The following TMEM63C variants were observed in gnomAD, a reference collection of about 807,000 sequenced individuals.
The protein encoded by TMEM63C is transmembrane protein 63C, also known as osmosensitive cation channel TMEM63C.
A neutral mutation model predicts 99.2 loss-of-function variants in TMEM63C; 32 were observed. That is an observed-to-expected ratio of 0.32 (90% CI 0.24 to 0.43). The LOEUF is 0.43. Among genes scored for constraint, TMEM63C ranks in the 20% least tolerant of loss-of-function variants. TMEM63C has a pLI of 1.00. For synonymous variants in TMEM63C, 376 were observed against 397.9 expected, an observed-to-expected ratio of 0.94 and a Z score of 0.66; for missense variants, 826 against 1,053.0, an observed-to-expected ratio of 0.78 and a Z score of 2.98.
chr14:77,255,312 A>G (rs1301420285), intron 23 of TMEM63C, among the ~76,000 whole-genome samples: 3 of 152,200 alleles, frequency 2.0e-5, no homozygotes, highest in African/African-American at 7.2e-5. Flanking sequence ...TTTTTAGTTA[A>G]CAATCTTTTT....
chr14:77,195,872 G>C (rs2140093739), intron 1 of TMEM63C, among the ~76,000 whole-genome samples: 1 of 152,334 alleles, frequency 6.6e-6, no homozygotes, highest in South Asian at 2.1e-4. Context: ...GGGCAGGCTG[G>C]GGGTCATGGA....
At chr14:77,241,372 C>G (rs1889173045) in intron 13 of TMEM63C, among the ~76,000 whole-genome samples, 1 of 152,192 alleles carries the variant, frequency 6.6e-6, no homozygotes, top group Non-Finnish European at 1.5e-5. Flanking sequence ...CTTCTCTGCC[C>G]CAGCCTCTGG....
chr14:77,248,261 G>A, intron 18 of TMEM63C, 86 bp from the exon 19 acceptor site: 1 of 1,223,100 alleles, frequency 8.2e-7, no homozygotes, highest in Non-Finnish European at 1.2e-6. Flanking sequence ...CATTCCCTCT[G>A]CTGCTCTCCT....
intron 1 of TMEM63C, among the ~76,000 whole-genome samples, chr14:77,202,090 A>C (rs1888309184): frequency 6.6e-6 from 1 of 152,238 alleles, no homozygotes; most frequent in Admixed American, 6.5e-5. Flanking sequence ...TGACACAACT[A>C]AGGGAGACCC....
rs1319945114 is a variant in TMEM63C, at chr14:77,256,595, A to T, written c.2290A>T (p.Thr764Ser). The T allele has an allele frequency of 4.3e-6, 7 of 1,613,946 alleles. No homozygotes were observed. The highest frequency in any genetic ancestry group is 5.9e-6 in the Non-Finnish European group (7 of 1,179,864). ...LTPASSPARH[T>S]YGTMNNQPEE... The stretch of plus-strand genomic sequence containing the variant: ...CCCCGCCTCCTCCCCAGCCAGGCAC[A>T]CCTATGGCACCATGAACAACCAGCC... Residue 764 changes from threonine (T) to serine (S), a missense_variant, in exon 24 of 24, where the codon ACC becomes TCC. By Grantham distance (58) the Thr-to-Ser change is moderately conservative. Transcript: ENST00000298351.
intron 18 of TMEM63C, 44 bp from the exon 19 acceptor site, chr14:77,248,302 TC>T: frequency 6.5e-7 from 1 of 1,543,502 alleles, no homozygotes; most frequent in African/African-American, 1.4e-5. Context: ...TCTCTCCCTC[TC>T]CCTGTGGCTT....
rs1400507015 is a variant in TMEM63C, at chr14:77,248,368, C to T, written c.1623C>T (p.Asn541=). The part of the protein sequence containing the change: ...IRFQCVFLPD[N]GAFFVNYVIT... ...CCAGGTGTGTGTTCCTGCCAGACAACGGCGCCTTCTTTGTCAACTACGTGA... is the reference window on the plus strand; with the variant it reads ...CCAGGTGTGTGTTCCTGCCAGACAATGGCGCCTTCTTTGTCAACTACGTGA... The change falls in exon 19 of 24, where the codon AAC becomes AAT. Residue 541 remains asparagine, a synonymous_variant. Transcript: ENST00000298351. 19 of 1,611,250 alleles carry T rather than the reference C, an allele frequency of 1.2e-5. No individual in the cohort carries two copies. The highest frequency in any genetic ancestry group is 2.7e-5 in the African/African-American group (2 of 74,818).
chr14:77,253,481 T>C, intron 23 of TMEM63C, 105 bp downstream of exon 23: 2 of 1,188,448 alleles, frequency 1.7e-6, no homozygotes, highest in East Asian at 2.6e-5. Flanking sequence ...ACTCTGGGTA[T>C]GGGGAAGGAG....
chr14:77,249,684 G>A (rs528163234), intron 21 of TMEM63C, among the ~76,000 whole-genome samples: 1 of 152,284 alleles, frequency 6.6e-6, no homozygotes, highest in African/African-American at 2.4e-5. Flanking sequence ...CCCCAGGTGT[G>A]GATTTGGGTT....
At chr14:77,237,623 G>A (rs939107201) in intron 9 of TMEM63C, among the ~76,000 whole-genome samples, 1 of 152,248 alleles carries the variant, frequency 6.6e-6, no homozygotes, top group Non-Finnish European at 1.5e-5. Flanking sequence ...ACCGTTCATT[G>A]AGGGTTGCGC....
chr14:77,259,204 T>G lies in TMEM63C; in HGVS notation c.*2478T>G, dbSNP rs1421503848. On this transcript the variant is annotated 3_prime_UTR_variant, in exon 24 of 24. Coordinates refer to ENST00000298351, the MANE Select transcript of TMEM63C (RefSeq NM_020431.4). ...ACCCCACTCCATCCACCAAATCACC[T>G]CCTGACTTAATCCTTTCTGGAAGGA... 1.4e-5 allele frequency: 2 copies of G among 146,812 alleles called. No individual in the cohort carries two copies. Among genetic ancestry groups the G allele is most frequent in the African/African-American group, 2.6e-5 (1 of 39,172 alleles). The allele number at this position is 146,812 out of a possible 1,614,324, so 9.1% of individuals were successfully genotyped here.
At chr14:77,231,999 C>T (rs541396822) in intron 7 of TMEM63C, among the ~76,000 whole-genome samples, 4 of 152,288 alleles carry the variant, frequency 2.6e-5, no homozygotes, top group Admixed American at 2.6e-4. Flanking sequence ...CATTCATGGC[C>T]CCACTCTGGC....
intron 15 of TMEM63C, 59 bp from the exon 16 acceptor site, chr14:77,244,290 A>G: frequency 1.5e-6 from 2 of 1,303,718 alleles, no homozygotes. Flanking sequence ...AGAAGAAGCA[A>G]GGGGAAGAGG....
At chr14:77,194,555 C>CTT (rs869065772) in intron 1 of TMEM63C, among the ~76,000 whole-genome samples, 16 of 17,902 alleles carry the variant, frequency 8.9e-4, no homozygotes, top group South Asian at 3.5e-3. Context: ...CTTTCTTTCT[C>CTT]TTTCTTTCTT....
At chr14:77,227,152 A>G (rs563791668) in intron 6 of TMEM63C, among the ~76,000 whole-genome samples, 22 of 152,300 alleles carry the variant, frequency 1.4e-4, no homozygotes, top group African/African-American at 4.6e-4. Flanking sequence ...TTTAAGCTGG[A>G]AACTCAGAAC....
At position 77,238,456 on chromosome 14, in the gene TMEM63C, G is replaced by T. The variant is rs1414705937; in HGVS notation, c.652-238G>T. 3.3e-5 allele frequency among the ~76,000 whole-genome samples: 5 copies of T among 152,340 alleles called. No individual in the cohort carries two copies. The East Asian group carries it at 9.7e-4, about 29-fold the overall frequency. ...CACAGAGGAGAACGGAAGCACAGTTGACCAACCTCAGAGCTGCCTGGCTCA... is the reference window on the plus strand; with the variant it reads ...CACAGAGGAGAACGGAAGCACAGTTTACCAACCTCAGAGCTGCCTGGCTCA... On this transcript the variant is annotated intron_variant, in intron 9 of 23. Transcript: ENST00000298351.
At chr14:77,251,478 C>T (rs1368177417) in intron 21 of TMEM63C, among the ~76,000 whole-genome samples, 1 of 152,192 alleles carries the variant, frequency 6.6e-6, no homozygotes, top group Non-Finnish European at 1.5e-5. Flanking sequence ...GAAATAGTCA[C>T]TCAAAGATAC....
At chr14:77,219,815 G>A (rs1012634730) in intron 4 of TMEM63C, among the ~76,000 whole-genome samples, 191 bp from the exon 5 acceptor site, 3 of 152,236 alleles carry the variant, frequency 2.0e-5, no homozygotes, top group Non-Finnish European at 2.9e-5. Flanking sequence ...ACTCCCAGAT[G>A]CCTGGTGTAC....
At chr14:77,254,539 G>A (rs1889429528) in intron 23 of TMEM63C, among the ~76,000 whole-genome samples, 1 of 152,196 alleles carries the variant, frequency 6.6e-6, no homozygotes, top group African/African-American at 2.4e-5. Flanking sequence ...TTAGCAATAA[G>A]TTTTTGAAAT....
Sources: gnomAD v4.1 joint callset for allele counts (sites outside exome capture counted in the v4.1 genomes callset) on GRCh38, gnomAD v4.1.1 for gene constraint, MANE v1.5 for transcripts, NCBI Gene and HGNC (gene_info 2026-07-23, HGNC 2026-07-21) for gene names.